DOCK10: variants seen among roughly 807,000 people sequenced by gnomAD.
DOCK10 encodes the protein dedicator of cytokinesis 10, also known as dedicator of cytokinesis protein 10.
DOCK10 carries 145 observed loss-of-function variants against 280.1 expected under a neutral mutation model. That is an observed-to-expected ratio of 0.52 (90% CI 0.45 to 0.59). DOCK10 has a LOEUF of 0.59. Among genes scored for constraint, DOCK10 ranks in the 20% least tolerant of loss-of-function variants. The pLI is 0.00. For synonymous variants in DOCK10, 915 were observed against 942.2 expected (o/e 0.97, Z 0.53); for missense variants, 2,368 against 2,651.7 (o/e 0.89, Z 2.35).
chr2:224,907,289 G>T (rs1260005256), intron 3 of DOCK10, among the ~76,000 whole-genome samples: 1 of 152,174 alleles, frequency 6.6e-6, no homozygotes, highest in African/African-American at 2.4e-5. Flanking sequence ...CTGTATGAGG[G>T]TAAGTACATA....
intron 1 of DOCK10, among the ~76,000 whole-genome samples, chr2:225,036,146 C>T (rs542809526): frequency 6.6e-5 from 10 of 152,178 alleles, no homozygotes; most frequent in Middle Eastern, 3.4e-3. Flanking sequence ...GAAGTCTCAC[C>T]GTACAACCTA....
At chr2:225,011,246 C>T (rs1296163425) in intron 1 of DOCK10, among the ~76,000 whole-genome samples, 1 of 152,140 alleles carries the variant, frequency 6.6e-6, no homozygotes, top group Non-Finnish European at 1.5e-5. Context: ...AAAGGACTTA[C>T]GGCTTTTCAG....
intron 1 of DOCK10, among the ~76,000 whole-genome samples, chr2:225,003,852 G>T (rs1261416916): frequency 6.6e-6 from 1 of 152,142 alleles, no homozygotes; most frequent in Non-Finnish European, 1.5e-5. Context: ...TGTGTGACTT[G>T]TTCAGTGGCA....
intron 1 of DOCK10, among the ~76,000 whole-genome samples, chr2:224,972,544 A>G (rs1705149736): frequency 6.6e-6 from 1 of 152,162 alleles, no homozygotes. Flanking sequence ...TAAAAAATCT[A>G]CTCACAATTA....
chr2:225,035,830 C>T (rs1292143416), intron 1 of DOCK10, among the ~76,000 whole-genome samples: 1 of 151,062 alleles, frequency 6.6e-6, no homozygotes, highest in African/African-American at 2.4e-5. Context: ...CGTAGTTGGC[C>T]GCCTTCTTGT....
At chr2:225,015,559 A>G (rs1159149491) in intron 1 of DOCK10, among the ~76,000 whole-genome samples, 1 of 152,142 alleles carries the variant, frequency 6.6e-6, no homozygotes, top group East Asian at 1.9e-4. Context: ...CGGGCCCATC[A>G]CATACTGATA....
At chr2:225,011,002 G>T (rs1328257743) in intron 1 of DOCK10, among the ~76,000 whole-genome samples, 3 of 152,146 alleles carry the variant, frequency 2.0e-5, no homozygotes, top group Non-Finnish European at 1.5e-5. Context: ...ATATTTCAAG[G>T]TTTGGAAGAC....
chr2:224,932,982 A>T (rs1007044331), intron 1 of DOCK10, among the ~76,000 whole-genome samples: 2 of 152,040 alleles, frequency 1.3e-5, no homozygotes, highest in African/African-American at 4.8e-5. Context: ...AGAAAAAAAA[A>T]CCCAGCTCAC....
At chr2:225,013,263 C>G (rs1353438311) in intron 1 of DOCK10, among the ~76,000 whole-genome samples, 2 of 152,030 alleles carry the variant, frequency 1.3e-5, no homozygotes. Context: ...TTTTCAGTAC[C>G]CTATAGGAAA....
intron 1 of DOCK10, among the ~76,000 whole-genome samples, chr2:224,976,910 T>C (rs954262812): frequency 6.6e-6 from 1 of 152,208 alleles, no homozygotes; most frequent in Admixed American, 6.5e-5. Flanking sequence ...ACTGTATGGC[T>C]GCAGGCAGAT....
chr2:224,862,270 A>T (rs1697556816), intron 14 of DOCK10: 1 of 161,066 alleles, frequency 6.2e-6, no homozygotes, highest in African/African-American at 2.4e-5. Context: ...ATAAATGAAA[A>T]CAAACAGCTG....
At chr2:224,783,375 C>T (rs771902062) in intron 50 of DOCK10, among the ~76,000 whole-genome samples, 6 of 151,612 alleles carry the variant, frequency 4.0e-5, no homozygotes, top group South Asian at 2.1e-4. Context: ...CCAGGGTTCA[C>T]GCCATTCTCC....
intron 1 of DOCK10, among the ~76,000 whole-genome samples, chr2:225,041,426 A>G (rs1046216621): frequency 2.0e-5 from 3 of 152,044 alleles, no homozygotes; most frequent in South Asian, 2.1e-4. Context: ...GGCAGTGTGG[A>G]CCTACTGCAA....
chr2:224,928,315 C>A (rs1481074936), intron 2 of DOCK10, among the ~76,000 whole-genome samples: 1 of 152,204 alleles, frequency 6.6e-6, no homozygotes, highest in Non-Finnish European at 1.5e-5. Flanking sequence ...TACTGCAACT[C>A]TGTTGCAACC....
rs565035930 is a variant in DOCK10 at position 225,029,625 on chromosome 2, A to G, written c.123+12627T>C. Among the ~76,000 whole-genome samples, 3 of 152,346 alleles carry G rather than the reference A, an allele frequency of 2.0e-5. No homozygotes were observed. In the East Asian group the frequency reaches 5.8e-4, roughly 29 times the overall value. ...AATGCCAGCAGAAAGAATTTTTAGG[A>G]CAGAATATACCTTAAATCACTTCAG... On this transcript the variant is annotated intron_variant, in intron 1 of 55. Coordinates refer to ENST00000258390, the MANE Select transcript of DOCK10 (RefSeq NM_014689.3).
chr2:224,769,209 A>G (rs1010883756), intron 55 of DOCK10, among the ~76,000 whole-genome samples: 1 of 152,214 alleles, frequency 6.6e-6, no homozygotes, highest in Non-Finnish European at 1.5e-5. Context: ...ATTTTCTCCA[A>G]TATAACTCGG....
intron 1 of DOCK10, among the ~76,000 whole-genome samples, chr2:224,944,951 C>G (rs77751928): frequency 6.6e-6 from 1 of 152,122 alleles, no homozygotes; most frequent in South Asian, 2.1e-4. Flanking sequence ...CCTTACTGGC[C>G]GCTCTTCCCA....
At chr2:224,987,602 T>C (rs890534112) in intron 1 of DOCK10, among the ~76,000 whole-genome samples, 16 of 152,088 alleles carry the variant, frequency 1.1e-4, no homozygotes, top group Admixed American at 1.3e-4. Flanking sequence ...CTGGCTTACA[T>C]ATCTGGAAAT....
At chr2:224,812,449 T>C (rs991903995) in intron 31 of DOCK10, among the ~76,000 whole-genome samples, 2 of 152,192 alleles carry the variant, frequency 1.3e-5, no homozygotes, top group African/African-American at 4.8e-5. Context: ...CAATTTGACT[T>C]CCTCTTTTCC....
Sources: allele counts gnomAD v4.1 joint callset (sites outside exome capture counted in the v4.1 genomes callset), GRCh38; gene constraint gnomAD v4.1.1; transcripts MANE v1.5; gene names NCBI Gene and HGNC (gene_info 2026-07-23, HGNC 2026-07-21).